The following EPHA7 variants were observed in gnomAD, a reference collection of about 807,000 sequenced individuals.
EPHA7 encodes the protein EPH receptor A7.
A neutral mutation model predicts 112.6 loss-of-function variants in EPHA7; 25 were observed. The ratio of observed to expected loss-of-function variants is 0.22; its 90% CI spans 0.16 to 0.31. The LOEUF (loss-of-function observed/expected upper bound fraction) is 0.31. Ranked by LOEUF, EPHA7 falls within the 10% of genes least tolerant of loss-of-function variation. The pLI is 1.00. For synonymous variants in EPHA7, 437 were observed against 406.5 expected, an observed-to-expected ratio of 1.07 and a Z score of -0.90; for missense variants, 962 against 1,212.6, an observed-to-expected ratio of 0.79 and a Z score of 3.07.
At chr6:93,303,069 C>G (rs1773072136) in intron 5 of EPHA7, among the ~76,000 whole-genome samples, 1 of 152,074 alleles carries the variant, frequency 6.6e-6, no homozygotes, top group East Asian at 1.9e-4. Context: ...ACTGTGTAGG[C>G]ATACAACAGT....
At chr6:93,394,908 T>G (rs1018841471) in intron 3 of EPHA7, among the ~76,000 whole-genome samples, 1 of 151,870 alleles carries the variant, frequency 6.6e-6, no homozygotes, top group African/African-American at 2.4e-5. Context: ...TTAATTTTTA[T>G]CACTATTTTT....
intron 5 of EPHA7, among the ~76,000 whole-genome samples, chr6:93,300,975 T>G (rs2127849312): frequency 6.6e-6 from 1 of 152,282 alleles, no homozygotes; most frequent in East Asian, 1.9e-4. Flanking sequence ...TGTAGGCAAT[T>G]GTAACACAAA....
intron 16 of EPHA7, among the ~76,000 whole-genome samples, chr6:93,244,733 C>T (rs1490166480): frequency 6.6e-6 from 1 of 151,964 alleles, no homozygotes; most frequent in East Asian, 1.9e-4. Flanking sequence ...TGAACTCTTA[C>T]TTTTAAGCTA....
At chr6:93,244,730 T>C (rs573348440) in intron 16 of EPHA7, among the ~76,000 whole-genome samples, 103 of 152,314 alleles carry the variant, frequency 6.8e-4, no homozygotes, top group Non-Finnish European at 1.1e-3. Flanking sequence ...AGTTGAACTC[T>C]TACTTTTAAG....
chr6:93,389,833 A>G (rs1214577417), intron 3 of EPHA7, among the ~76,000 whole-genome samples: 1 of 151,850 alleles, frequency 6.6e-6, no homozygotes, highest in African/African-American at 2.4e-5. Context: ...CTAGAGAAAG[A>G]AAAAACTTTC....
intron 12 of EPHA7, among the ~76,000 whole-genome samples, 158 bp downstream of exon 12, chr6:93,257,304 A>G (rs1243610670): frequency 6.6e-6 from 1 of 152,140 alleles, no homozygotes; most frequent in Non-Finnish European, 1.5e-5. Context: ...AGTTTAATCT[A>G]GTCTTGAACT....
At chr6:93,363,493 A>T (rs1307511522) in intron 3 of EPHA7, among the ~76,000 whole-genome samples, 1 of 152,190 alleles carries the variant, frequency 6.6e-6, no homozygotes, top group African/African-American at 2.4e-5. Flanking sequence ...GATGTTCAAC[A>T]TCATTAGCCA....
intron 5 of EPHA7, among the ~76,000 whole-genome samples, chr6:93,306,829 A>G (rs1773282757): frequency 6.6e-6 from 1 of 152,012 alleles, no homozygotes; most frequent in African/African-American, 2.4e-5. Flanking sequence ...ACCTATTGTA[A>G]GAATGCTTAG....
intron 3 of EPHA7, among the ~76,000 whole-genome samples, chr6:93,397,583 G>A (rs1778241649): frequency 1.3e-5 from 2 of 151,876 alleles, no homozygotes; most frequent in Admixed American, 6.6e-5. Context: ...GTGTTCAACT[G>A]ACCTAAGCAG....
intron 2 of EPHA7, among the ~76,000 whole-genome samples, chr6:93,413,172 CA>C (rs1484636344): frequency 5.3e-5 from 8 of 151,882 alleles, no homozygotes; most frequent in Non-Finnish European, 8.8e-5. Flanking sequence ...ATCTCAAGAA[CA>C]TTTTTTTTAG....
chr6:93,361,247 A>C (rs1233492824), intron 3 of EPHA7, among the ~76,000 whole-genome samples: 1 of 152,112 alleles, frequency 6.6e-6, no homozygotes, highest in South Asian at 2.1e-4. Context: ...GTTAATATTG[A>C]AAATAATAAG....
chr6:93,357,247 T>C lies in EPHA7; in HGVS notation c.989-195A>G, dbSNP rs115980424. 2.2e-3 allele frequency among the ~76,000 whole-genome samples: 330 copies of C among 152,300 alleles called. 4 individuals are homozygous for C. Among genetic ancestry groups the C allele is most frequent in the African/African-American group, 7.7e-3 (320 of 41,566 alleles). ...GAAGCTGTATAAAAGCCTCCTTGAA[T>C]TCACTTGGCAAGAGGCTTTATTTAT... is the stretch of plus-strand genomic sequence containing the variant. On this transcript the variant is annotated intron_variant, in intron 4 of 16. Transcript: ENST00000369303.
chr6:93,347,109 C>A (rs1017126076), intron 5 of EPHA7, among the ~76,000 whole-genome samples: 1 of 151,748 alleles, frequency 6.6e-6, no homozygotes, highest in Non-Finnish European at 1.5e-5. Flanking sequence ...AAATTTGTAT[C>A]TCCAAAATAT....
intron 3 of EPHA7, among the ~76,000 whole-genome samples, chr6:93,358,899 C>T (rs1776098410): frequency 6.6e-6 from 1 of 152,038 alleles, no homozygotes; most frequent in Admixed American, 6.6e-5. Context: ...AAATAAATAA[C>T]TATGTAAAAT....
At chr6:93,409,442 T>C (rs917818121) in intron 3 of EPHA7, among the ~76,000 whole-genome samples, 2 of 152,046 alleles carry the variant, frequency 1.3e-5, no homozygotes, top group Non-Finnish European at 2.9e-5. Flanking sequence ...TTAAATAAGC[T>C]TGTGTATGTA....
At chr6:93,267,321 C>G (rs1343657483) in intron 7 of EPHA7, among the ~76,000 whole-genome samples, 1 of 151,624 alleles carries the variant, frequency 6.6e-6, no homozygotes, top group African/African-American at 2.4e-5. Flanking sequence ...ACTTAAACCT[C>G]AGAATGTTTT....
chr6:93,289,491 G>T (rs1291751394), intron 5 of EPHA7, among the ~76,000 whole-genome samples: 1 of 151,932 alleles, frequency 6.6e-6, no homozygotes, highest in Non-Finnish European at 1.5e-5. Flanking sequence ...GGGAGTGGTG[G>T]CGAGCACCTG....
At position 93,247,688 on chromosome 6, in the gene EPHA7, TA is replaced by T. The variant is rs1440173887; in HGVS notation, c.2533-704del. ...TTCCCAGAGAGCTGGTTTTTATTATTATTTTTTTATCAGCATACCACTGCCT... is the reference window on the plus strand; with the variant it reads ...TTCCCAGAGAGCTGGTTTTTATTATTTTTTTTTATCAGCATACCACTGCCT... On this transcript the variant is annotated intron_variant, in intron 14 of 16. Coordinates refer to ENST00000369303, the MANE Select transcript of EPHA7 (RefSeq NM_004440.4). Among the ~76,000 whole-genome samples the T allele has an allele frequency of 3.9e-5, 6 of 152,256 alleles. No homozygotes were observed. In the South Asian group the frequency reaches 1.0e-3, roughly 26 times the overall value.
chr6:93,339,384 CT>C (rs1775032527), intron 5 of EPHA7, among the ~76,000 whole-genome samples: 1 of 151,710 alleles, frequency 6.6e-6, no homozygotes, highest in African/African-American at 2.4e-5. Context: ...TATTTTGTTA[CT>C]TTTTCCAAAA....
Sources: allele counts gnomAD v4.1 joint callset (sites outside exome capture counted in the v4.1 genomes callset), GRCh38; gene constraint gnomAD v4.1.1; transcripts MANE v1.5; gene names NCBI Gene and HGNC (gene_info 2026-07-23, HGNC 2026-07-21).